STARD13: variants seen among roughly 807,000 people sequenced by gnomAD.
STARD13 encodes stAR-related lipid transfer protein 13.
In STARD13, 62 loss-of-function variants were observed where a neutral mutation model predicts 106.4. The ratio of observed to expected loss-of-function variants is 0.58; its 90% CI spans 0.48 to 0.72. The LOEUF is 0.72. STARD13 is among the 30% of genes least tolerant of loss of function. The pLI is 0.00. For synonymous variants in STARD13, 565 were observed against 553.0 expected, an observed-to-expected ratio of 1.02 and a Z score of -0.31; for missense variants, 1,387 against 1,424.0, an observed-to-expected ratio of 0.97 and a Z score of 0.42.
the STARD13 span, among the ~76,000 whole-genome samples, chr13:33,452,693 G>C: frequency 6.6e-6 from 1 of 152,128 alleles, no homozygotes; most frequent in Non-Finnish European, 1.5e-5. Flanking sequence ...TAAAATGGAG[G>C]TAGTAATATA....
At chr13:33,323,284 C>T (rs901234276) in intron 1 of STARD13, among the ~76,000 whole-genome samples, 2 of 152,156 alleles carry the variant, frequency 1.3e-5, no homozygotes, top group East Asian at 1.9e-4. Context: ...CTGCCTTGTA[C>T]GCCCTTCCTA....
At chr13:33,358,931 G>A in the STARD13 span, among the ~76,000 whole-genome samples, 1 of 152,138 alleles carries the variant, frequency 6.6e-6, no homozygotes, top group East Asian at 1.9e-4. Context: ...GAACCTGTGT[G>A]TGGAAACTCT....
At chr13:33,514,673 A>G in the STARD13 span, among the ~76,000 whole-genome samples, 3 of 152,170 alleles carry the variant, frequency 2.0e-5, no homozygotes, top group Admixed American at 2.0e-4. Context: ...TAGCTGGACC[A>G]GGCAAGTGAC....
chr13:33,361,816 C>G, the STARD13 span, among the ~76,000 whole-genome samples: 1 of 152,174 alleles, frequency 6.6e-6, no homozygotes, highest in Admixed American at 6.5e-5. Flanking sequence ...ATGATTCAAT[C>G]ACCTCCTACC....
chr13:33,584,676 A>G, the STARD13 span, among the ~76,000 whole-genome samples: 2 of 152,296 alleles, frequency 1.3e-5, no homozygotes, highest in South Asian at 2.1e-4. Flanking sequence ...TAGGAATTGT[A>G]TCAAATTAGC....
the STARD13 span, chr13:33,439,719 G>C: frequency 1.6e-6 from 2 of 1,257,902 alleles, no homozygotes; most frequent in African/African-American, 1.5e-5. Context: ...TGTTATCAGA[G>C]AGCACCTGTA....
At chr13:33,451,184 T>C in the STARD13 span, among the ~76,000 whole-genome samples, 1 of 152,172 alleles carries the variant, frequency 6.6e-6, no homozygotes, top group African/African-American at 2.4e-5. Context: ...CTGGCTGAAA[T>C]GCAGGTATTT....
At chr13:33,665,064 C>T in the STARD13 span, among the ~76,000 whole-genome samples, 1 of 152,204 alleles carries the variant, frequency 6.6e-6, no homozygotes, top group Admixed American at 6.5e-5. Flanking sequence ...GAAGTGGAGA[C>T]CCTGTTACTG....
chr13:33,477,643 C>T, the STARD13 span, among the ~76,000 whole-genome samples: 3 of 152,072 alleles, frequency 2.0e-5, no homozygotes, highest in African/African-American at 7.2e-5. Flanking sequence ...AGTCTAGACA[C>T]AACAACTGAA....
chr13:33,335,906 T>A (rs758141839), intron 1 of STARD13, among the ~76,000 whole-genome samples: 9 of 152,218 alleles, frequency 5.9e-5, no homozygotes, highest in Non-Finnish European at 1.3e-4. Context: ...ACGGAGTCCT[T>A]AGCACAGTGC....
chr13:33,514,124 G>A, the STARD13 span, among the ~76,000 whole-genome samples: 7 of 152,170 alleles, frequency 4.6e-5, no homozygotes, highest in African/African-American at 1.4e-4. Context: ...GTAGATGGAA[G>A]GGCATGGAAG....
intron 1 of STARD13, among the ~76,000 whole-genome samples, chr13:33,332,845 T>A (rs1477134912): frequency 1.3e-5 from 2 of 152,216 alleles, no homozygotes; most frequent in East Asian, 3.8e-4. Context: ...TTTTGTCAGT[T>A]GTGTTCAACA....
At chr13:33,660,618 C>T in the STARD13 span, among the ~76,000 whole-genome samples, 1 of 152,192 alleles carries the variant, frequency 6.6e-6, no homozygotes, top group Non-Finnish European at 1.5e-5. Context: ...AGATTTTCCT[C>T]TGTTGCCCAG....
chr13:33,412,473 A>C, the STARD13 span, among the ~76,000 whole-genome samples: 1 of 152,218 alleles, frequency 6.6e-6, no homozygotes, highest in Non-Finnish European at 1.5e-5. Flanking sequence ...TTAAGCTCTA[A>C]CATCAATAAT....
At chr13:33,491,191 T>C in the STARD13 span, among the ~76,000 whole-genome samples, 1 of 152,156 alleles carries the variant, frequency 6.6e-6, no homozygotes. Context: ...CTTGGAAAAA[T>C]GCCAGGTAGA....
chr13:33,127,847 C>T (rs1429382863), intron 5 of STARD13, among the ~76,000 whole-genome samples: 3 of 146,406 alleles, frequency 2.0e-5, no homozygotes, highest in African/African-American at 7.5e-5. Context: ...CAAGCTGAGA[C>T]AGTGTGTGTG....
At chr13:33,361,268 G>A in the STARD13 span, among the ~76,000 whole-genome samples, 1 of 151,056 alleles carries the variant, frequency 6.6e-6, no homozygotes, top group African/African-American at 2.4e-5. Flanking sequence ...CCTTTGTGAC[G>A]ATCCACTTGC....
At chr13:33,617,842 G>A in the STARD13 span, among the ~76,000 whole-genome samples, 3 of 152,112 alleles carry the variant, frequency 2.0e-5, no homozygotes, top group African/African-American at 4.8e-5. Flanking sequence ...CAGATAAGAC[G>A]ATGCATATGT....
At chr13:33,189,425 TC>T (rs1886051350) in intron 1 of STARD13, among the ~76,000 whole-genome samples, 1 of 30,274 alleles carries the variant, frequency 3.3e-5, no homozygotes, top group Non-Finnish European at 9.5e-5. Context: ...TTTCCCTCCT[TC>T]CTCCTTTCGG....
Sources: allele counts gnomAD v4.1 joint callset (sites outside exome capture counted in the v4.1 genomes callset), GRCh38; gene constraint gnomAD v4.1.1; transcripts MANE v1.5; gene names NCBI Gene and HGNC (gene_info 2026-07-23, HGNC 2026-07-21).